The following RBM25 variants were observed in gnomAD, a reference collection of about 807,000 sequenced individuals.
RBM25 encodes RNA-binding protein 25.
RBM25 carries 19 observed loss-of-function variants against 120.7 expected under a neutral mutation model. The ratio of observed to expected loss-of-function variants is 0.16; its 90% CI spans 0.11 to 0.23. The LOEUF is 0.23. RBM25 is among the 10% of genes least tolerant of loss of function. RBM25 has a pLI of 1.00. For missense variants in RBM25, 605 were observed against 1,041.5 expected (o/e 0.58, Z 5.77); for synonymous variants, 390 against 326.7 (o/e 1.19, Z -2.09).
intron 6 of RBM25, among the ~76,000 whole-genome samples, chr14:73,094,028 T>G (rs1895879271): frequency 6.9e-6 from 1 of 143,918 alleles, no homozygotes. Context: ...CTCAGCTCAC[T>G]GCAAGCTCCG....
intron 5 of RBM25, among the ~76,000 whole-genome samples, chr14:73,084,229 A>T (rs1895632271): frequency 6.6e-6 from 1 of 152,168 alleles, no homozygotes; most frequent in African/African-American, 2.4e-5. Context: ...AGTTGATTTG[A>T]TTCAGGATCT....
chr14:73,109,190 CTG>C, intron 13 of RBM25, 150 bp from the exon 14 acceptor site: 1 of 728,020 alleles, frequency 1.4e-6, no homozygotes, highest in East Asian at 2.7e-5. Flanking sequence ...AGAGCACACT[CTG>C]GTGTGTTCCG....
chr14:73,071,278 CTATT>C (rs1004135818), intron 1 of RBM25, among the ~76,000 whole-genome samples: 2 of 149,256 alleles, frequency 1.3e-5, no homozygotes, highest in Non-Finnish European at 3.0e-5. Context: ...CACTTAAAAA[CTATT>C]AGATACCCAT....
intron 6 of RBM25, among the ~76,000 whole-genome samples, chr14:73,091,128 TTATAC>T (rs753201773): frequency 6.6e-6 from 1 of 152,230 alleles, no homozygotes; most frequent in Non-Finnish European, 1.5e-5. Flanking sequence ...TTTGCAAATG[TTATAC>T]TGAAAAACTC....
intron 2 of RBM25, among the ~76,000 whole-genome samples, chr14:73,072,914 T>C (rs1353915064): frequency 9.9e-5 from 15 of 152,202 alleles, no homozygotes; most frequent in Non-Finnish European, 2.9e-5. Context: ...CTTTATTTTG[T>C]TTGTGTGTGC....
chr14:73,121,325 CAT>C lies in RBM25; in HGVS notation c.*1523_*1524del, dbSNP rs1308629532. ...ATGTATATATTTGATCCTGGGGACT[CAT>C]ATTCTTTCAGAATCATGTAAATAAA... On this transcript the variant is annotated 3_prime_UTR_variant, in exon 19 of 19. Transcript: ENST00000261973. 6.6e-6 allele frequency: 1 copy of C among 152,374 alleles called. No homozygotes were observed. The highest frequency in any genetic ancestry group is 1.5e-5 in the Non-Finnish European group (1 of 67,996). The allele number at this position is 152,374 out of a possible 1,614,324, so 9.4% of individuals were successfully genotyped here.
chr14:73,066,449 A>G (rs946707407), intron 1 of RBM25, among the ~76,000 whole-genome samples: 1 of 152,038 alleles, frequency 6.6e-6, no homozygotes, highest in Non-Finnish European at 1.5e-5. Context: ...CAGCCTGGCC[A>G]TACATGGTGA....
At chr14:73,069,823 TTC>T (rs1362978698) in intron 1 of RBM25, 3 of 135,756 alleles carry the variant, frequency 2.2e-5, no homozygotes, top group Admixed American at 1.6e-4. Flanking sequence ...AAAAATTTTT[TTC>T]TTTCTTTTTT....
chr14:73,070,589 T>C (rs990883354), intron 1 of RBM25, among the ~76,000 whole-genome samples: 1 of 152,142 alleles, frequency 6.6e-6, no homozygotes, highest in East Asian at 1.9e-4. Context: ...TCTTAGGTAG[T>C]GGCCAGCATT....
intron 5 of RBM25, among the ~76,000 whole-genome samples, chr14:73,085,367 A>C (rs1895661067): frequency 6.7e-6 from 1 of 148,770 alleles, no homozygotes; most frequent in Non-Finnish European, 1.5e-5. Context: ...TTGAGGAACA[A>C]ATCTTTTTCA....
At chr14:73,102,205 ATGTGTT>A (rs1896070363) in intron 9 of RBM25, 1 of 152,194 alleles carries the variant, frequency 6.6e-6, no homozygotes, top group Admixed American at 6.5e-5. Context: ...AAAGGGATAA[ATGTGTT>A]TTGTTTTGTT....
intron 18 of RBM25, among the ~76,000 whole-genome samples, chr14:73,114,860 A>T (rs1246083464): frequency 6.6e-6 from 1 of 152,118 alleles, no homozygotes; most frequent in Non-Finnish European, 1.5e-5. Context: ...ATGCCATTGC[A>T]CTCCAGCCTG....
chr14:73,088,425 C>G, intron 6 of RBM25: 1 of 572,066 alleles, frequency 1.7e-6, no homozygotes, highest in Non-Finnish European at 3.3e-6. Context: ...AGAGAAAGCA[C>G]TGGTACAGAC....
At chr14:73,072,858 A>G (rs1320002581) in intron 2 of RBM25, among the ~76,000 whole-genome samples, 1 of 152,104 alleles carries the variant, frequency 6.6e-6, no homozygotes, top group Non-Finnish European at 1.5e-5. Context: ...TGGGTTGTTA[A>G]TTCATAGCAT....
At chr14:73,061,970 C>G (rs1042830975) in intron 1 of RBM25, among the ~76,000 whole-genome samples, 1 of 151,222 alleles carries the variant, frequency 6.6e-6, no homozygotes, top group Non-Finnish European at 1.5e-5. Flanking sequence ...GGGAGTTTTG[C>G]CCTTCTCTGT....
At chr14:73,066,197 T>G (rs988647894) in intron 1 of RBM25, among the ~76,000 whole-genome samples, 1 of 152,186 alleles carries the variant, frequency 6.6e-6, no homozygotes, top group Admixed American at 6.6e-5. Context: ...AGTTTTTGGT[T>G]TTGGTCAAAA....
chr14:73,112,770 T>G (rs1311602695), intron 17 of RBM25, among the ~76,000 whole-genome samples: 1 of 151,688 alleles, frequency 6.6e-6, no homozygotes, highest in Non-Finnish European at 1.5e-5. Flanking sequence ...GTGTTAGTTT[T>G]GTTTGTTTTG....
Position 73,120,735 on chromosome 14 carries a change from C to A in RBM25, c.*930C>A, listed in dbSNP as rs1237915006. Reference sequence around the variant, plus strand: ...TTTATTTAACAAAAAATTCATCATACCAAAAAGTGTAAGTGAAAACCCCCT... The same window carrying A: ...TTTATTTAACAAAAAATTCATCATAACAAAAAGTGTAAGTGAAAACCCCCT... On this transcript the variant is annotated 3_prime_UTR_variant, in exon 19 of 19. Transcript: ENST00000261973. 6.6e-6 allele frequency: 1 copy of A among 151,762 alleles called. No individual in the cohort carries two copies. Among genetic ancestry groups the A allele is most frequent in the Non-Finnish European group, 1.5e-5 (1 of 67,936 alleles). 9.4% of individuals were successfully genotyped at this position (151,762 alleles called of 1,614,324 possible).
At position 73,110,927 on chromosome 14, in the gene RBM25, C is replaced by T; in HGVS notation, c.1789C>T (p.Arg597Ter). The T allele has an allele frequency of 6.2e-7, 1 of 1,611,544 alleles. No homozygotes were observed. Among genetic ancestry groups the T allele is most frequent in the Non-Finnish European group, 8.5e-7 (1 of 1,178,728 alleles). The change falls in exon 15 of 19, where the codon CGA becomes TGA. Residue 597 changes from arginine (R) to a stop codon, truncating the protein, a stop_gained. Transcript: ENST00000261973. LOFTEE classifies it high-confidence loss of function. ...EEEKQEKEEK[R>*]EEPMEEEEEP... ...AGAAAAGCAAGAAAAAGAAGAAAAA[C>T]GAGAAGAACCCATGGAAGAGGAAGA...
Sources: gnomAD v4.1 joint callset for allele counts (sites outside exome capture counted in the v4.1 genomes callset) on GRCh38, gnomAD v4.1.1 for gene constraint, MANE v1.5 for transcripts, NCBI Gene and HGNC (gene_info 2026-07-23, HGNC 2026-07-21) for gene names.